PDE1C: variants seen among roughly 807,000 people sequenced by gnomAD.
PDE1C encodes the protein phosphodiesterase 1C.
In PDE1C, 62 loss-of-function variants were observed where a neutral mutation model predicts 93.1. The ratio of observed to expected loss-of-function variants is 0.67; its 90% confidence interval spans 0.54 to 0.82. PDE1C has a LOEUF of 0.82. PDE1C is among the 40% of genes least tolerant of loss of function. The probability of loss-of-function intolerance (pLI) is 0.00; values close to 1 mark genes in which losing one functional copy is unlikely to be tolerated. For missense variants in PDE1C, 742 were observed against 884.6 expected (o/e 0.84, Z 2.04); for synonymous variants, 325 against 310.1 (o/e 1.05, Z -0.50).
chr7:31,884,067 T>C (rs1430706401), intron 2 of PDE1C, among the ~76,000 whole-genome samples: 1 of 152,204 alleles, frequency 6.6e-6, no homozygotes, highest in Admixed American at 6.5e-5. Context: ...TATGTAACCC[T>C]GTCTTTCCAG....
the PDE1C span, among the ~76,000 whole-genome samples, chr7:31,700,835 A>AT: frequency 6.6e-6 from 1 of 152,178 alleles, no homozygotes; most frequent in Non-Finnish European, 1.5e-5. Flanking sequence ...CAAAGCCTGG[A>AT]TAAAGGCATA....
intron 1 of PDE1C, among the ~76,000 whole-genome samples, chr7:32,412,743 A>G (rs898668430): frequency 2.0e-5 from 3 of 152,236 alleles, no homozygotes; most frequent in Non-Finnish European, 4.4e-5. Context: ...CAGTCATACA[A>G]TGAAATATTG....
intron 3 of PDE1C, among the ~76,000 whole-genome samples, chr7:32,163,897 CT>C (rs1562537728): frequency 2.0e-5 from 3 of 152,138 alleles, no homozygotes; most frequent in Non-Finnish European, 4.4e-5. Flanking sequence ...GTTTTAAAAA[CT>C]GAAGTGAGAA....
At chr7:32,000,343 C>T (rs901317789) in intron 2 of PDE1C, among the ~76,000 whole-genome samples, 2 of 152,068 alleles carry the variant, frequency 1.3e-5, no homozygotes, top group Non-Finnish European at 2.9e-5. Context: ...CAAGTAGGCT[C>T]CTATCACTGC....
rs567103661 is a variant in PDE1C at position 32,221,466 on chromosome 7, T to C, written c.86-11927A>G. Among the ~76,000 whole-genome samples the C allele has an allele frequency of 2.6e-5, 4 of 152,256 alleles. No homozygotes were observed. The South Asian group carries it at 6.2e-4, about 24-fold the overall frequency. On this transcript the variant is annotated intron_variant, in intron 1 of 18. Coordinates refer to the PDE1C transcript ENST00000396193. ...AATCAGCTCATCTCAGACATGGCCA[T>C]GCCTTTGACAAGCCCGTGGTCTTGT...
At chr7:32,185,790 A>C (rs940828523) in intron 2 of PDE1C, among the ~76,000 whole-genome samples, 1 of 152,230 alleles carries the variant, frequency 6.6e-6, no homozygotes, top group Non-Finnish European at 1.5e-5. Context: ...AATTTAATAA[A>C]ATCAAAAATC....
At chr7:32,008,100 G>A (rs1786523724) in intron 2 of PDE1C, among the ~76,000 whole-genome samples, 1 of 152,124 alleles carries the variant, frequency 6.6e-6, no homozygotes. Context: ...CTATACAGCT[G>A]TCTTCTATAA....
chr7:31,895,579 TTTCTCTC>T (rs1799190632), intron 2 of PDE1C, among the ~76,000 whole-genome samples: 1 of 67,574 alleles, frequency 1.5e-5, no homozygotes, highest in East Asian at 4.5e-4. Context: ...GTTTCTCTCT[TTTCTCTC>T]TCTCTCTCTC....
intron 2 of PDE1C, among the ~76,000 whole-genome samples, chr7:32,022,084 C>T (rs1231656715): frequency 6.6e-6 from 1 of 151,540 alleles, no homozygotes; most frequent in Non-Finnish European, 1.5e-5. Flanking sequence ...ACTCAAAGCC[C>T]CTATTACAGT....
chr7:32,167,399 T>C (rs932593671), intron 3 of PDE1C, among the ~76,000 whole-genome samples: 2 of 152,128 alleles, frequency 1.3e-5, no homozygotes, highest in African/African-American at 4.8e-5. Flanking sequence ...AAATTGTGGT[T>C]GTGCTGAGGC....
intron 2 of PDE1C, among the ~76,000 whole-genome samples, chr7:31,895,862 C>T (rs1474491202): frequency 6.6e-6 from 1 of 152,112 alleles, no homozygotes; most frequent in Non-Finnish European, 1.5e-5. Flanking sequence ...CTTTTGCCTT[C>T]TGCCATGATT....
At chr7:31,859,582 T>C (rs1336072077) in intron 7 of PDE1C, among the ~76,000 whole-genome samples, 1 of 151,928 alleles carries the variant, frequency 6.6e-6, no homozygotes, top group Non-Finnish European at 1.5e-5. Context: ...CATAGAGAAG[T>C]AATTTTACAA....
the PDE1C span, among the ~76,000 whole-genome samples, chr7:31,678,599 C>T: frequency 1.3e-5 from 2 of 152,180 alleles, no homozygotes; most frequent in Non-Finnish European, 2.9e-5. Context: ...GAGCCAAGCA[C>T]TGTATCAGAT....
chr7:31,621,712 A>C, the PDE1C span, among the ~76,000 whole-genome samples: 1,816 of 146,440 alleles, frequency 0.012, 67 homozygotes, highest in African/African-American at 0.043. Flanking sequence ...CGAGCAAAAT[A>C]ACCAGCTAAC....
At chr7:32,387,550 G>C (rs1048783804) in intron 1 of PDE1C, among the ~76,000 whole-genome samples, 3 of 146,774 alleles carry the variant, frequency 2.0e-5, no homozygotes, top group Non-Finnish European at 4.5e-5. Flanking sequence ...GCCGGGCAGA[G>C]GGGTCCTCAC....
At chr7:32,099,986 C>T (rs191594413) in intron 3 of PDE1C, among the ~76,000 whole-genome samples, 2 of 152,148 alleles carry the variant, frequency 1.3e-5, no homozygotes, top group Non-Finnish European at 2.9e-5. Flanking sequence ...CCTTCTACAT[C>T]CCCGTTTTCT....
chr7:31,986,598 T>C (rs186097736), intron 2 of PDE1C, among the ~76,000 whole-genome samples: 1 of 151,756 alleles, frequency 6.6e-6, no homozygotes, highest in Non-Finnish European at 1.5e-5. Flanking sequence ...TAATAAGAAG[T>C]GGGGAGGGCA....
At chr7:32,047,117 A>G (rs1194901163) in intron 2 of PDE1C, among the ~76,000 whole-genome samples, 1 of 150,952 alleles carries the variant, frequency 6.6e-6, no homozygotes, top group Admixed American at 6.6e-5. Flanking sequence ...TCATAGATTC[A>G]GCTTGCAACA....
the PDE1C span, among the ~76,000 whole-genome samples, chr7:31,726,925 T>C: frequency 5.3e-5 from 8 of 152,018 alleles, no homozygotes; most frequent in Admixed American, 4.6e-4. Context: ...TCCCCAGCTA[T>C]TCGGGAGGCC....
Sources: gnomAD v4.1 joint callset for allele counts (sites outside exome capture counted in the v4.1 genomes callset) on GRCh38, gnomAD v4.1.1 for gene constraint, MANE v1.5 for transcripts, NCBI Gene and HGNC (gene_info 2026-07-23, HGNC 2026-07-21) for gene names.